Variants in OTUD7A observed in about 807,000 individuals in gnomAD.
OTUD7A encodes the protein OTU deubiquitinase 7A.
OTUD7A carries 12 observed loss-of-function variants against 65.7 expected under a neutral mutation model. That is an observed-to-expected ratio of 0.18 (90% CI 0.12 to 0.30). The LOEUF (loss-of-function observed/expected upper bound fraction) is 0.30, where lower values mean the gene tolerates loss of function less well. Among genes scored for constraint, OTUD7A ranks in the 10% least tolerant of loss-of-function variants. The pLI is 1.00. For missense variants in OTUD7A, 1,148 were observed against 1,304.8 expected (o/e 0.88, Z 1.85); for synonymous variants, 641 against 586.3 (o/e 1.09, Z -1.35).
intron 3 of OTUD7A, among the ~76,000 whole-genome samples, chr15:31,642,342 T>A (rs2141263268): frequency 6.6e-6 from 1 of 152,370 alleles, no homozygotes; most frequent in Admixed American, 6.5e-5. Context: ...GTTTTCACAC[T>A]TTTCTTCATG....
intron 3 of OTUD7A, among the ~76,000 whole-genome samples, chr15:31,609,857 T>C (rs1462375461): frequency 6.6e-6 from 1 of 151,646 alleles, no homozygotes; most frequent in Non-Finnish European, 1.5e-5. Context: ...GGTGCTGGCA[T>C]CCATCGCTGA....
intron 1 of OTUD7A, among the ~76,000 whole-genome samples, chr15:31,681,170 T>C (rs949269518): frequency 1.3e-5 from 2 of 151,718 alleles, no homozygotes; most frequent in African/African-American, 2.4e-5. Flanking sequence ...AATTTTCTCA[T>C]TGTCTGTCTG....
Position 31,632,707 on chromosome 15 carries a change from GCC to G in OTUD7A, c.151+22387_151+22388del, listed in dbSNP as rs1173768199. Reference sequence around the variant, plus strand: ...TACTGCTGTCTTTTTGTTTGTCTGTGCCCTGCCCCCAGAGGTGGAGCCTACAG... The same window carrying G: ...TACTGCTGTCTTTTTGTTTGTCTGTGCTGCCCCCAGAGGTGGAGCCTACAG... On this transcript the variant is annotated intron_variant, in intron 3 of 12. Transcript: ENST00000307050. Among the ~76,000 whole-genome samples, 3 of 152,346 alleles carry G rather than the reference GCC, an allele frequency of 2.0e-5. No homozygotes were observed. In the East Asian group the frequency reaches 5.8e-4, roughly 29 times the overall value.
At chr15:31,719,496 C>T (rs1225879564) in intron 1 of OTUD7A, among the ~76,000 whole-genome samples, 3 of 152,002 alleles carry the variant, frequency 2.0e-5, no homozygotes, top group African/African-American at 7.3e-5. Flanking sequence ...TGCATCTGGC[C>T]GATCAGCAAG....
chr15:31,569,371 T>C (rs1452611979), intron 4 of OTUD7A, among the ~76,000 whole-genome samples: 1 of 152,216 alleles, frequency 6.6e-6, no homozygotes, highest in Non-Finnish European at 1.5e-5. Flanking sequence ...AATGTAGCTA[T>C]TGAGAGATTA....
intron 1 of OTUD7A, among the ~76,000 whole-genome samples, chr15:31,737,867 A>G (rs191382245): frequency 5.8e-4 from 88 of 152,348 alleles, no homozygotes; most frequent in African/African-American, 2.1e-3. Flanking sequence ...CTTCAGAATC[A>G]TATGTATTGT....
chr15:31,518,632 C>T (rs1001862939), intron 8 of OTUD7A, among the ~76,000 whole-genome samples: 7 of 152,220 alleles, frequency 4.6e-5, no homozygotes, highest in Non-Finnish European at 8.8e-5. Context: ...TCCTGAGACA[C>T]CCACAGCACA....
intron 1 of OTUD7A, among the ~76,000 whole-genome samples, chr15:31,820,000 A>G (rs537592466): frequency 9.9e-5 from 15 of 152,172 alleles, no homozygotes; most frequent in Admixed American, 2.0e-4. Context: ...AGTTGAATAC[A>G]ACTCACATGC....
intron 1 of OTUD7A, among the ~76,000 whole-genome samples, chr15:31,723,036 CT>C (rs1893783557): frequency 6.6e-6 from 1 of 152,158 alleles, no homozygotes; most frequent in South Asian, 2.1e-4. Flanking sequence ...TTCCTACTAG[CT>C]AGGACAGTGA....
intron 3 of OTUD7A, among the ~76,000 whole-genome samples, chr15:31,615,793 C>A (rs781551559): frequency 6.6e-6 from 1 of 152,242 alleles, no homozygotes; most frequent in African/African-American, 2.4e-5. Flanking sequence ...GGCTGTGCCA[C>A]CGTGCCCAGG....
chr15:31,669,309 C>T (rs564875539), intron 1 of OTUD7A, among the ~76,000 whole-genome samples: 2 of 152,226 alleles, frequency 1.3e-5, no homozygotes, highest in East Asian at 1.9e-4. Context: ...GACTGTCCTT[C>T]GGTGCGTCTT....
At chr15:31,593,287 A>G (rs1486143823) in intron 3 of OTUD7A, among the ~76,000 whole-genome samples, 2 of 151,958 alleles carry the variant, frequency 1.3e-5, no homozygotes, top group Admixed American at 6.6e-5. Flanking sequence ...TACATCTCCT[A>G]TTGGTTCTGT....
intron 5 of OTUD7A, among the ~76,000 whole-genome samples, chr15:31,534,378 A>G (rs1479065473): frequency 2.0e-5 from 3 of 152,210 alleles, no homozygotes; most frequent in African/African-American, 7.2e-5. Flanking sequence ...AAATTCCCAT[A>G]AAACTAGGAA....
At chr15:31,659,080 T>TAAATAAAA (rs1892084288) in intron 1 of OTUD7A, among the ~76,000 whole-genome samples, 3 of 136,392 alleles carry the variant, frequency 2.2e-5, no homozygotes, top group East Asian at 2.0e-4. Flanking sequence ...AATAAATAAA[T>TAAATAAAA]AAAATAAAAT....
chr15:31,741,116 C>T (rs1894331155), intron 1 of OTUD7A, among the ~76,000 whole-genome samples: 2 of 152,122 alleles, frequency 1.3e-5, no homozygotes, highest in Admixed American at 6.6e-5. Context: ...TAAAATGCAT[C>T]ATAAAAAATT....
At chr15:31,714,383 TG>T (rs1288200336) in intron 1 of OTUD7A, among the ~76,000 whole-genome samples, 2 of 152,018 alleles carry the variant, frequency 1.3e-5, no homozygotes, top group African/African-American at 2.4e-5. Context: ...TAGGCAAAAC[TG>T]CAGGTGAGAG....
chr15:31,755,970 C>A (rs181731069), intron 1 of OTUD7A, among the ~76,000 whole-genome samples: 1 of 152,180 alleles, frequency 6.6e-6, no homozygotes, highest in Non-Finnish European at 1.5e-5. Flanking sequence ...CTTAAGCCTT[C>A]TGCAAAGGCG....
At chr15:31,835,223 T>C (rs1288008735) in intron 1 of OTUD7A, among the ~76,000 whole-genome samples, 1 of 152,266 alleles carries the variant, frequency 6.6e-6, no homozygotes, top group African/African-American at 2.4e-5. Context: ...GTTTACCAGA[T>C]AAAACAGGAT....
Position 31,486,641 on chromosome 15 carries a change from T to C in OTUD7A, c.1371+553A>G, listed in dbSNP as rs77825626. Among the ~76,000 whole-genome samples the C allele has an allele frequency of 6.8e-4, 104 of 152,098 alleles. 1 individual carries two copies. In the East Asian group the frequency reaches 0.018, roughly 26 times the overall value. ...TGGAGGCAGGCAGCCTCATGGGGCG[T>C]AGGCCCCTCTCCTCACCTTCCTGCC... On this transcript the variant is annotated intron_variant, in intron 12 of 12. Coordinates refer to ENST00000307050, the MANE Select transcript of OTUD7A (RefSeq NM_001382637.1).
Sources: allele counts gnomAD v4.1 joint callset (sites outside exome capture counted in the v4.1 genomes callset), GRCh38; gene constraint gnomAD v4.1.1; transcripts MANE v1.5; gene names NCBI Gene and HGNC (gene_info 2026-07-23, HGNC 2026-07-21).